The following MBD5 variants were observed in gnomAD, a reference collection of about 807,000 sequenced individuals.
MBD5 encodes the protein methyl-CpG-binding domain protein 5.
MBD5 carries 13 observed loss-of-function variants against 117.3 expected under a neutral mutation model. The observed-to-expected ratio is 0.11, with a 90% CI of 0.07 to 0.18. The LOEUF is 0.18. MBD5 is among the 10% of genes least tolerant of loss of function. The pLI, the probability that MBD5 is intolerant of heterozygous loss-of-function variation, is 1.00. For missense variants in MBD5, 1,879 were observed against 2,093.8 expected (o/e 0.90, Z 2.00); for synonymous variants, 727 against 766.4 (o/e 0.95, Z 0.85).
intron 3 of MBD5, among the ~76,000 whole-genome samples, chr2:148,256,373 G>A (rs905261966): frequency 1.3e-5 from 2 of 152,188 alleles, no homozygotes; most frequent in African/African-American, 4.8e-5. Context: ...CATTGCCGGG[G>A]GTGGCCAAAG....
chr2:148,269,480 G>A (rs1700933493), intron 3 of MBD5, among the ~76,000 whole-genome samples: 1 of 151,480 alleles, frequency 6.6e-6, no homozygotes, highest in South Asian at 2.1e-4. Context: ...TTATATTTGA[G>A]AACTGCTTTC....
chr2:148,280,674 C>A (rs541453790), intron 3 of MBD5, among the ~76,000 whole-genome samples: 2 of 152,340 alleles, frequency 1.3e-5, no homozygotes, highest in East Asian at 3.9e-4. Flanking sequence ...AAGTGATCCA[C>A]CCATCTCAGC....
chr2:148,315,007 C>T (rs1702127287), intron 3 of MBD5, among the ~76,000 whole-genome samples: 1 of 152,114 alleles, frequency 6.6e-6, no homozygotes, highest in Admixed American at 6.6e-5. Context: ...TACCCATTAT[C>T]TTTTTTTCCT....
intron 3 of MBD5, chr2:148,243,963 T>C (rs957109407): frequency 5.9e-5 from 9 of 151,604 alleles, no homozygotes; most frequent in African/African-American, 2.2e-4. Flanking sequence ...ACAAGTGATC[T>C]TTAAGGGAAC....
chr2:148,413,892 A>G (rs1574398990), intron 4 of MBD5, among the ~76,000 whole-genome samples: 1 of 143,548 alleles, frequency 7.0e-6, no homozygotes, highest in African/African-American at 2.6e-5. Flanking sequence ...GCAGTATATC[A>G]ATCTTACTTA....
chr2:148,412,271 T>TG (rs1359859294), intron 4 of MBD5, among the ~76,000 whole-genome samples: 1,689 of 121,472 alleles, frequency 0.014, 12 homozygotes, highest in African/African-American at 0.05. Flanking sequence ...TAGTATACTT[T>TG]TTGTGTGTGT....
chr2:148,465,744 G>C (rs1707241063), intron 7 of MBD5, among the ~76,000 whole-genome samples: 1 of 152,136 alleles, frequency 6.6e-6, no homozygotes, highest in Non-Finnish European at 1.5e-5. Flanking sequence ...ATACAAAGAA[G>C]AACAGTTGCC....
chr2:148,306,320 T>C (rs181799868), intron 3 of MBD5, among the ~76,000 whole-genome samples: 240 of 152,308 alleles, frequency 1.6e-3, no homozygotes, highest in African/African-American at 5.5e-3. Context: ...GCTTATAAAG[T>C]TGACTCTAGT....
intron 2 of MBD5, among the ~76,000 whole-genome samples, chr2:148,181,811 G>A (rs1180951787): frequency 2.0e-5 from 3 of 151,984 alleles, no homozygotes; most frequent in Middle Eastern, 6.3e-3. Flanking sequence ...TCTTTAAGTA[G>A]ACATTCAGAT....
intron 3 of MBD5, among the ~76,000 whole-genome samples, chr2:148,297,563 T>C (rs1701684232): frequency 6.6e-6 from 1 of 152,228 alleles, no homozygotes; most frequent in African/African-American, 2.4e-5. Flanking sequence ...AACAAACTGC[T>C]GTAGTCTGTT....
chr2:148,430,028 A>C (rs1233431183), intron 4 of MBD5, among the ~76,000 whole-genome samples: 2 of 152,148 alleles, frequency 1.3e-5, no homozygotes, highest in Non-Finnish European at 2.9e-5. Flanking sequence ...TAAAATTTGC[A>C]AACATATTGG....
chr2:148,333,974 G>A (rs939031190), intron 3 of MBD5, among the ~76,000 whole-genome samples: 3 of 152,116 alleles, frequency 2.0e-5, no homozygotes, highest in Non-Finnish European at 4.4e-5. Flanking sequence ...TGTGAATGGT[G>A]GCAGTTAATT....
At chr2:148,434,976 A>G (rs1449306073) in intron 4 of MBD5, among the ~76,000 whole-genome samples, 5 of 151,732 alleles carry the variant, frequency 3.3e-5, no homozygotes, top group Admixed American at 3.3e-4. Flanking sequence ...GTGGAATTGA[A>G]CCCTTTGTCA....
In MBD5 at chr2:148,021,281, G is replaced by A. The variant is rs1025934526; in HGVS notation, c.-1328G>A. On this transcript the variant is annotated 5_prime_UTR_variant, in exon 1 of 14. Coordinates refer to ENST00000642680, the MANE Select transcript of MBD5 (RefSeq NM_001378120.1). ...CACCCTCCAGCCCTGAGCCCTGAGAGGGGGATTGAGCCTGAGAGAGGAGAA... is the reference window on the plus strand; with the variant it reads ...CACCCTCCAGCCCTGAGCCCTGAGAAGGGGATTGAGCCTGAGAGAGGAGAA... 5.6e-6 allele frequency: 2 copies of A among 359,060 alleles called. No individual in the cohort carries two copies. Among genetic ancestry groups the A allele is most frequent in the Non-Finnish European group, 1.1e-5 (2 of 181,824 alleles). The allele number at this position is 359,060 out of a possible 1,614,324, so 22.2% of individuals were successfully genotyped here.
intron 3 of MBD5, among the ~76,000 whole-genome samples, chr2:148,266,230 T>C (rs1304370613): frequency 2.6e-5 from 4 of 152,130 alleles, no homozygotes; most frequent in Non-Finnish European, 5.9e-5. Flanking sequence ...AGTAGTTCAA[T>C]GTTTTTCTTT....
At chr2:148,419,928 C>T (rs578132307) in intron 4 of MBD5, among the ~76,000 whole-genome samples, 1 of 152,084 alleles carries the variant, frequency 6.6e-6, no homozygotes, top group Admixed American at 6.5e-5. Flanking sequence ...TTTCTATCAG[C>T]TTCCCCAGAA....
At position 148,483,146 on chromosome 2, in the gene MBD5, G is replaced by T. The variant is rs1681216358; in HGVS notation, c.2555G>T (p.Gly852Val). 1 of 1,612,890 alleles carries T rather than the reference G, an allele frequency of 6.2e-7. No homozygotes were observed. Among genetic ancestry groups the T allele is most frequent in the Non-Finnish European group, 8.5e-7 (1 of 1,179,862 alleles). The change falls in exon 9 of 14, where the codon GGC becomes GTC. Residue 852 changes from glycine to valine, a missense_variant. Gly to Val is a moderately radical substitution (Grantham distance 109, BLOSUM62 -3). Coordinates refer to ENST00000642680, the MANE Select transcript of MBD5 (RefSeq NM_001378120.1). The stretch of plus-strand genomic sequence containing the variant: ...CCATCATCCTCCATAGCCATAGCGG[G>T]CACCAACCACCCTGCCATCACAAAG... ...SGPSSSIAIAGTNHPAITKTT... is the reference protein window; with the variant it reads ...SGPSSSIAIAVTNHPAITKTT...
chr2:148,483,398 AG>A lies in MBD5; in HGVS notation c.2808del (p.Asn937IlefsTer3). 1 of 1,614,046 alleles carries A rather than the reference AG, an allele frequency of 6.2e-7. No homozygotes were observed. The highest frequency in any genetic ancestry group is 8.5e-7 in the Non-Finnish European group (1 of 1,179,950). ...GTGAATCAACAGCATCTCCTAAACC[AG>A]AATCTATTAAATATCCTCCAGCCTT... ...LPVNQQHLLN[Q>X]NLLNILQPSA... On this transcript the variant is annotated frameshift_variant, in exon 9 of 14. Transcript: ENST00000642680. LOFTEE classifies it high-confidence loss of function.
chr2:148,264,544 C>T (rs548945033), intron 3 of MBD5: 1 of 152,198 alleles, frequency 6.6e-6, no homozygotes, highest in African/African-American at 2.4e-5. Flanking sequence ...ACGATAGTTG[C>T]TAGGCATTGT....
Sources: allele counts gnomAD v4.1 joint callset (sites outside exome capture counted in the v4.1 genomes callset), GRCh38; gene constraint gnomAD v4.1.1; transcripts MANE v1.5; gene names NCBI Gene and HGNC (gene_info 2026-07-23, HGNC 2026-07-21).